Variants in VAV2 observed in about 807,000 individuals in gnomAD.
VAV2 encodes the protein vav guanine nucleotide exchange factor 2.
VAV2 carries 67 observed loss-of-function variants against 132.5 expected under a neutral mutation model. The ratio of observed to expected loss-of-function variants is 0.51; its 90% confidence interval spans 0.42 to 0.62. The LOEUF (loss-of-function observed/expected upper bound fraction) is 0.62. Among genes scored for constraint, VAV2 ranks in the 20% least tolerant of loss-of-function variants. The pLI is 0.00. For missense variants in VAV2, 938 were observed against 1,153.6 expected (o/e 0.81, Z 2.71); for synonymous variants, 492 against 443.5 (o/e 1.11, Z -1.37).
At position 133,791,985 on chromosome 9, in the gene VAV2, T is replaced by TG. The variant is rs1342710544; in HGVS notation, c.1102-117dup. On this transcript the variant is annotated intron_variant, in intron 12 of 29. Coordinates refer to ENST00000371850, the MANE Select transcript of VAV2 (RefSeq NM_001134398.2). ...GTGCATGTGAGCGGGCTGTGCTGGG[T>TG]GGGGGGTGTGTGACTGTGTGTGAAT... is the stretch of plus-strand genomic sequence containing the variant. 2.1e-5 allele frequency: 4 copies of TG among 193,990 alleles called. No homozygotes were observed. The Admixed American group carries it at 4.2e-4, about 21-fold the overall frequency. The allele number at this position is 193,990 out of a possible 1,614,324, so 12.0% of individuals were successfully genotyped here. A position where few individuals can be genotyped will look rare whatever the true frequency, so the allele number is the denominator to read the frequency against.
At chr9:133,910,372 C>T (rs79030754) in intron 2 of VAV2, among the ~76,000 whole-genome samples, 9 of 152,154 alleles carry the variant, frequency 5.9e-5, no homozygotes, top group Non-Finnish European at 1.2e-4. Context: ...GCGCAAGCTG[C>T]GAGTTCAGAC....
chr9:133,874,863 C>T (rs1009805779), intron 2 of VAV2, among the ~76,000 whole-genome samples: 4 of 152,142 alleles, frequency 2.6e-5, no homozygotes, highest in Non-Finnish European at 5.9e-5. Context: ...GGAAGTGGGG[C>T]GTGGAGGCCT....
At chr9:133,786,922 A>G (rs1834249682) in intron 16 of VAV2, among the ~76,000 whole-genome samples, 1 of 152,066 alleles carries the variant, frequency 6.6e-6, no homozygotes. Context: ...AAAAGGGGAG[A>G]AAGAGGGAGG....
At chr9:133,986,402 A>T (rs566182681) in intron 1 of VAV2, among the ~76,000 whole-genome samples, 1 of 152,352 alleles carries the variant, frequency 6.6e-6, no homozygotes, top group African/African-American at 2.4e-5. Context: ...AGGGGGACAC[A>T]GCCACAGGCA....
At position 133,837,364 on chromosome 9, in the gene VAV2, G is replaced by C. The variant is rs1836511131; in HGVS notation, c.381-3024C>G. On this transcript the variant is annotated intron_variant, in intron 3 of 29. Transcript: ENST00000371850. ...GGAATCTTGTTTCCTAACACAGAAA[G>C]TGAGTGCCCACTAAAATAAGGCACA... Among the ~76,000 whole-genome samples the C allele has an allele frequency of 2.0e-5, 3 of 152,226 alleles. No homozygotes were observed. In the South Asian group the frequency reaches 6.2e-4, roughly 32 times the overall value.
chr9:133,773,536 T>TA, intron 25 of VAV2, among the ~76,000 whole-genome samples: 1 of 152,390 alleles, frequency 6.6e-6, no homozygotes, highest in East Asian at 1.9e-4. Flanking sequence ...TAATTTTTGT[T>TA]AACTTTTTGA....
chr9:133,778,631 C>T, intron 22 of VAV2, 131 bp downstream of exon 22: 1 of 1,380,976 alleles, frequency 7.2e-7, no homozygotes, highest in Non-Finnish European at 9.6e-7. Context: ...CCCCCTGTGC[C>T]TCCTCCTCCC....
chr9:133,960,649 C>T (rs1841936949), intron 1 of VAV2, among the ~76,000 whole-genome samples: 1 of 152,244 alleles, frequency 6.6e-6, no homozygotes, highest in Non-Finnish European at 1.5e-5. Flanking sequence ...AGTGAACGCC[C>T]TGCTGACTGG....
At chr9:133,858,083 C>T (rs1040373653) in intron 3 of VAV2, among the ~76,000 whole-genome samples, 3 of 152,234 alleles carry the variant, frequency 2.0e-5, no homozygotes, top group Non-Finnish European at 2.9e-5. Context: ...GAAGACAAGA[C>T]TGGCTCTTGC....
intron 3 of VAV2, among the ~76,000 whole-genome samples, chr9:133,837,184 T>G (rs1170797537): frequency 6.6e-6 from 1 of 152,232 alleles, no homozygotes; most frequent in Non-Finnish European, 1.5e-5. Flanking sequence ...AGCTGTAGGA[T>G]AGCAGAATGC....
At chr9:133,805,578 C>A (rs891426480) in intron 9 of VAV2, among the ~76,000 whole-genome samples, 1 of 151,762 alleles carries the variant, frequency 6.6e-6, no homozygotes, top group Admixed American at 6.6e-5. Flanking sequence ...ACAGCCTGGG[C>A]ATCGTCTAAG....
chr9:133,856,948 A>G (rs28436700), intron 3 of VAV2, among the ~76,000 whole-genome samples: 31,062 of 152,122 alleles, frequency 0.2, 3,498 homozygotes, highest in African/African-American at 0.29. Flanking sequence ...GGCCTTCCAC[A>G]AGGACCAGGT....
At chr9:133,830,530 A>C (rs1221330659) in intron 4 of VAV2, among the ~76,000 whole-genome samples, 1 of 152,140 alleles carries the variant, frequency 6.6e-6, no homozygotes, top group African/African-American at 2.4e-5. Context: ...CTGCCATGTG[A>C]AGAAAAGCGT....
intron 2 of VAV2, among the ~76,000 whole-genome samples, chr9:133,874,097 G>A (rs1036746944): frequency 2.0e-5 from 3 of 152,232 alleles, no homozygotes; most frequent in African/African-American, 7.2e-5. Flanking sequence ...TGGCAGCAGA[G>A]CCCGGCTCTC....
intron 1 of VAV2, among the ~76,000 whole-genome samples, chr9:133,981,404 G>A (rs1223562328): frequency 2.0e-5 from 3 of 152,240 alleles, no homozygotes; most frequent in African/African-American, 7.2e-5. Context: ...GAGGTGGGTA[G>A]TGAGGCGGCA....
intron 23 of VAV2, among the ~76,000 whole-genome samples, chr9:133,777,091 C>T (rs1357942281): frequency 6.6e-6 from 1 of 152,204 alleles, no homozygotes; most frequent in African/African-American, 2.4e-5. Flanking sequence ...TGGTGAAAGG[C>T]AGCTGGCTGG....
At chr9:133,895,613 T>C (rs1428729738) in intron 2 of VAV2, among the ~76,000 whole-genome samples, 2 of 151,800 alleles carry the variant, frequency 1.3e-5, no homozygotes, top group Non-Finnish European at 2.9e-5. Context: ...CACAGCAATT[T>C]GAATTAGTGG....
rs10538806 is a variant in VAV2, at chr9:133,900,766, GATTTATTTATTT to G, written c.321+38325_321+38336del. Among the ~76,000 whole-genome samples the G allele has an allele frequency of 9.2e-3, 1,339 of 145,590 alleles. 8 individuals carry two copies. Among genetic ancestry groups the G allele is most frequent in the African/African-American group, 0.012 (453 of 39,012 alleles). Reference sequence around the variant, plus strand: ...AATTAATCAATCTACCTCCTGTCTTGATTTATTTATTTATTTATTTATTTATTTATTTATTTA... The same window carrying G: ...AATTAATCAATCTACCTCCTGTCTTGATTTATTTATTTATTTATTTATTTA... On this transcript the variant is annotated intron_variant, in intron 2 of 29. Coordinates refer to ENST00000371850, the MANE Select transcript of VAV2 (RefSeq NM_001134398.2).
At chr9:133,835,709 C>G (rs1000764571) in intron 3 of VAV2, among the ~76,000 whole-genome samples, 1 of 152,176 alleles carries the variant, frequency 6.6e-6, no homozygotes, top group East Asian at 1.9e-4. Flanking sequence ...CCAGCAGGGA[C>G]GCGCGGTCCG....
Sources: gnomAD v4.1 joint callset for allele counts (sites outside exome capture counted in the v4.1 genomes callset) on GRCh38, gnomAD v4.1.1 for gene constraint, MANE v1.5 for transcripts, NCBI Gene and HGNC (gene_info 2026-07-23, HGNC 2026-07-21) for gene names.